Variants in UNC13C observed in about 807,000 individuals in gnomAD.
UNC13C encodes the protein unc-13 homolog C.
UNC13C carries 174 observed loss-of-function variants against 245.4 expected under a neutral mutation model. The observed-to-expected ratio is 0.71, with a 90% CI of 0.63 to 0.80. UNC13C has a LOEUF of 0.80. UNC13C is among the 30% of genes least tolerant of loss of function. The pLI, the probability that UNC13C is intolerant of heterozygous loss-of-function variation, is 0.00. For synonymous variants in UNC13C, 992 were observed against 895.1 expected (o/e 1.11, Z -1.93); for missense variants, 2,829 against 2,602.9 (o/e 1.09, Z -1.89).
chr15:54,026,211 A>ATATG (rs1208037761), intron 2 of UNC13C, among the ~76,000 whole-genome samples: 2 of 152,244 alleles, frequency 1.3e-5, no homozygotes, highest in Non-Finnish European at 2.9e-5. Context: ...CCTATCATAT[A>ATATG]TATTGAATCC....
intron 30 of UNC13C, among the ~76,000 whole-genome samples, chr15:54,621,817 A>G (rs942455198): frequency 6.6e-6 from 1 of 152,132 alleles, no homozygotes; most frequent in Admixed American, 6.6e-5. Context: ...GAGACAGTTG[A>G]CTTTTTAAAA....
At chr15:54,199,050 G>A (rs1159358635) in intron 4 of UNC13C, among the ~76,000 whole-genome samples, 2 of 151,844 alleles carry the variant, frequency 1.3e-5, no homozygotes. Flanking sequence ...AAAATACACT[G>A]GAAACTCTCA....
At chr15:54,218,402 A>G (rs2035108604) in intron 4 of UNC13C, among the ~76,000 whole-genome samples, 1 of 151,938 alleles carries the variant, frequency 6.6e-6, no homozygotes, top group Non-Finnish European at 1.5e-5. Flanking sequence ...GTGTGATATT[A>G]CTGTCTTACT....
chr15:54,515,294 T>C (rs1369452545), intron 24 of UNC13C, among the ~76,000 whole-genome samples: 1 of 152,184 alleles, frequency 6.6e-6, no homozygotes, highest in East Asian at 1.9e-4. Context: ...ATATTATCTG[T>C]CCCTTTATAA....
At chr15:54,210,207 A>T (rs1303304970) in intron 4 of UNC13C, among the ~76,000 whole-genome samples, 1 of 141,000 alleles carries the variant, frequency 7.1e-6, no homozygotes, top group East Asian at 2.1e-4. Context: ...TACTATATAT[A>T]AAATATATAT....
chr15:54,064,081 C>CT (rs369188815), intron 2 of UNC13C, among the ~76,000 whole-genome samples: 60 of 149,412 alleles, frequency 4.0e-4, no homozygotes, highest in South Asian at 1.1e-3. Flanking sequence ...TTTTCTTCTT[C>CT]TTTTTTTTTT....
intron 13 of UNC13C, among the ~76,000 whole-genome samples, chr15:54,320,285 G>A (rs1236565221): frequency 2.0e-5 from 3 of 151,952 alleles, no homozygotes; most frequent in African/African-American, 7.2e-5. Context: ...AAACTCCTGC[G>A]CAGTTGCTTT....
chr15:53,884,071 G>A, the UNC13C span, among the ~76,000 whole-genome samples: 2 of 151,900 alleles, frequency 1.3e-5, no homozygotes, highest in East Asian at 3.9e-4. Context: ...GAGTTAGGGT[G>A]CCCACGAGAC....
At chr15:54,577,412 A>C (rs1028519851) in intron 30 of UNC13C, among the ~76,000 whole-genome samples, 2 of 152,154 alleles carry the variant, frequency 1.3e-5, no homozygotes, top group Non-Finnish European at 1.5e-5. Flanking sequence ...GTCTATGCCA[A>C]ATATCTCCAT....
chr15:54,116,330 A>G (rs1392403868), intron 2 of UNC13C, among the ~76,000 whole-genome samples: 1 of 152,144 alleles, frequency 6.6e-6, no homozygotes, highest in Non-Finnish European at 1.5e-5. Flanking sequence ...ATAATCATAA[A>G]GTATAGTCAC....
At chr15:54,136,214 T>C (rs1326887868) in intron 2 of UNC13C, among the ~76,000 whole-genome samples, 1 of 152,208 alleles carries the variant, frequency 6.6e-6, no homozygotes, top group African/African-American at 2.4e-5. Flanking sequence ...CACTGCTAAC[T>C]GCAGCCTTGA....
chr15:54,489,678 A>G (rs2141079428), intron 19 of UNC13C, among the ~76,000 whole-genome samples: 1 of 152,284 alleles, frequency 6.6e-6, no homozygotes, highest in South Asian at 2.1e-4. Flanking sequence ...TGTGTACCTG[A>G]GAGGAAAAGG....
chr15:54,363,527 G>T (rs1284398615), intron 17 of UNC13C, among the ~76,000 whole-genome samples: 1 of 152,208 alleles, frequency 6.6e-6, no homozygotes, highest in Non-Finnish European at 1.5e-5. Context: ...GGTTAAAGAA[G>T]AAAAGAGATG....
Position 54,193,854 on chromosome 15 carries a change from G to A in UNC13C, c.3072-41176G>A, listed in dbSNP as rs528535170. ...TATCACACTGCTAGAGAGTGCCAGG[G>A]TAGCTTTTATGGAATAATTTTCAAA... On this transcript the variant is annotated intron_variant, in intron 4 of 32. Coordinates refer to ENST00000260323, the MANE Select transcript of UNC13C (RefSeq NM_001080534.3). Among the ~76,000 whole-genome samples the A allele has an allele frequency of 3.3e-5, 5 of 152,226 alleles. No individual in the cohort carries two copies. The East Asian group carries it at 5.8e-4, about 18-fold the overall frequency.
At chr15:54,158,397 C>G (rs2032839142) in intron 4 of UNC13C, among the ~76,000 whole-genome samples, 1 of 151,668 alleles carries the variant, frequency 6.6e-6, no homozygotes, top group African/African-American at 2.4e-5. Flanking sequence ...GGCCCAATCT[C>G]TGCTCATTGC....
At chr15:54,538,188 A>G (rs938998936) in intron 26 of UNC13C, among the ~76,000 whole-genome samples, 1 of 148,772 alleles carries the variant, frequency 6.7e-6, no homozygotes, top group African/African-American at 2.4e-5. Context: ...AGCAAAGCAT[A>G]TGAGTAGACA....
rs74246481 is a variant in UNC13C at position 54,179,334 on chromosome 15, G to A, written c.3071+35650G>A. 2.1e-4 allele frequency among the ~76,000 whole-genome samples: 32 copies of A among 152,234 alleles called. No individual in the cohort carries two copies. The East Asian group carries it at 6.2e-3, about 29-fold the overall frequency. ...GACTAACAATCCAATAATGGATTTA[G>A]TCTGTATCTACAGACTGTAAAATTG... On this transcript the variant is annotated intron_variant, in intron 4 of 32. Transcript: ENST00000260323.
intron 13 of UNC13C, among the ~76,000 whole-genome samples, chr15:54,304,343 C>T (rs16974482): frequency 0.093 from 14,211 of 152,100 alleles, 1,628 homozygotes; most frequent in African/African-American, 0.28. Flanking sequence ...TTGACAATTA[C>T]ACTTCAGTGA....
At chr15:53,999,028 C>T (rs1319320188) in intron 1 of UNC13C, among the ~76,000 whole-genome samples, 1 of 151,934 alleles carries the variant, frequency 6.6e-6, no homozygotes, top group Non-Finnish European at 1.5e-5. Flanking sequence ...CATTTTTCAT[C>T]TACGTTCATG....
Sources: allele counts gnomAD v4.1 joint callset (sites outside exome capture counted in the v4.1 genomes callset), GRCh38; gene constraint gnomAD v4.1.1; transcripts MANE v1.5; gene names NCBI Gene and HGNC (gene_info 2026-07-23, HGNC 2026-07-21).